Variants in TDP1 observed in about 807,000 individuals in gnomAD.
The protein encoded by TDP1 is tyrosyl-DNA phosphodiesterase 1.
Under a neutral mutation model 81.5 loss-of-function variants are expected in TDP1, and 64 were observed. The ratio of observed to expected loss-of-function variants is 0.79; its 90% CI spans 0.64 to 0.97. The LOEUF is 0.97. Ranked by LOEUF, TDP1 falls within the 50% of genes least tolerant of loss-of-function variation. The pLI is 0.00. For synonymous variants in TDP1, 256 were observed against 264.3 expected (o/e 0.97, Z 0.30); for missense variants, 723 against 743.8 (o/e 0.97, Z 0.33).
chr14:89,963,388 A>T lies in TDP1; in HGVS notation c.274A>T (p.Ser92Cys). The change falls in exon 3 of 17, where the codon AGT (serine) becomes TGT (cysteine). Residue 92 changes from serine to cysteine, a missense_variant. Ser to Cys is a moderately radical substitution (Grantham distance 112). Coordinates refer to ENST00000335725, the MANE Select transcript of TDP1 (RefSeq NM_018319.4). ...QEDLGWCLSS[S>C]DDELQPEMPQ... ...GGACCTCGGCTGGTGTCTGTCCAGC[A>T]GTGATGATGAGCTGCAACCAGAAAT... 6.2e-7 allele frequency: 1 copy of T among 1,614,222 alleles called. No homozygotes were observed. Among genetic ancestry groups the T allele is most frequent in the Non-Finnish European group, 8.5e-7 (1 of 1,180,038 alleles).
chr14:89,998,337 C>T (rs1596593562), intron 14 of TDP1, among the ~76,000 whole-genome samples: 1 of 132,080 alleles, frequency 7.6e-6, no homozygotes, highest in Admixed American at 8.1e-5. Context: ...ACATGTAGTT[C>T]TTAACCAGCA....
rs1007892503 is a variant in TDP1 at position 90,022,013 on chromosome 14, A to T, written c.1644+2595A>T. On this transcript the variant is annotated intron_variant, in intron 15 of 16. Coordinates refer to ENST00000335725, the MANE Select transcript of TDP1 (RefSeq NM_018319.4). ...GTTGGGCTGTGTCCTTCAGTGAATC[A>T]CAAATGACTTGGGCAGAGTGCTCTA... Among the ~76,000 whole-genome samples, 8 of 152,320 alleles carry T rather than the reference A, an allele frequency of 5.3e-5. No individual in the cohort carries two copies. The East Asian group carries it at 1.4e-3, about 26-fold the overall frequency.
At chr14:90,035,152 C>T (rs899708119) in intron 16 of TDP1, among the ~76,000 whole-genome samples, 1 of 152,202 alleles carries the variant, frequency 6.6e-6, no homozygotes, top group African/African-American at 2.4e-5. Flanking sequence ...CATAGTAAAC[C>T]AAGCCTTCTC....
chr14:90,026,624 G>T (rs1364390538), intron 15 of TDP1, among the ~76,000 whole-genome samples: 1 of 150,116 alleles, frequency 6.7e-6, no homozygotes, highest in Non-Finnish European at 1.5e-5. Flanking sequence ...CCTGCCCCAC[G>T]ACAGGCCCCG....
rs184579869 is a variant in TDP1, at chr14:90,042,437, A to G, written c.1754-633A>G. 6.6e-5 allele frequency among the ~76,000 whole-genome samples: 10 copies of G among 152,320 alleles called. No individual in the cohort carries two copies. The East Asian group carries it at 9.6e-4, about 15-fold the overall frequency. On this transcript the variant is annotated intron_variant, in intron 16 of 16. Transcript: ENST00000335725. ...GGGTTCTGGTTAAAGTGATTTGCCA[A>G]TGTGACACAGCTAGTAAGTGGCAGC...
intron 14 of TDP1, among the ~76,000 whole-genome samples, chr14:89,998,400 A>ATGTATGTATG (rs1555390566): frequency 8.5e-6 from 1 of 117,340 alleles, no homozygotes; most frequent in African/African-American, 4.7e-5. Flanking sequence ...ATATATATAT[A>ATGTATGTATG]TATATATATA....
intron 16 of TDP1, among the ~76,000 whole-genome samples, chr14:90,042,295 GA>G (rs1468632306): frequency 6.6e-6 from 1 of 152,210 alleles, no homozygotes; most frequent in Non-Finnish European, 1.5e-5. Context: ...CTTCCTAAAA[GA>G]AGAAAGGAAT....
Position 89,963,361 on chromosome 14 carries a change from G to A in TDP1, c.247G>A (p.Glu83Lys). The part of the protein sequence containing the change: ...PPKRQKSGSQ[E>K]DLGWCLSSSD... ...CAAAAGGCAGAAAAGCGGTTCCCAG[G>A]AGGACCTCGGCTGGTGTCTGTCCAG... Residue 83 changes from glutamate to lysine, a missense_variant, in exon 3 of 17, where the codon GAG (glutamate) becomes AAG (lysine). Glu to Lys is a moderately conservative substitution (Grantham distance 56, BLOSUM62 1). Coordinates refer to ENST00000335725, the MANE Select transcript of TDP1 (RefSeq NM_018319.4). The A allele has an allele frequency of 6.2e-7, 1 of 1,614,186 alleles. No individual in the cohort carries two copies. Among genetic ancestry groups the A allele is most frequent in the Non-Finnish European group, 8.5e-7 (1 of 1,180,034 alleles).
At chr14:89,980,822 G>A (rs1172522129) in intron 8 of TDP1, 190 bp downstream of exon 8, 1 of 603,316 alleles carries the variant, frequency 1.7e-6, no homozygotes, top group Non-Finnish European at 2.9e-6. Context: ...ACCTTCTTGG[G>A]GTAACCAGTG....
chr14:90,012,703 G>T (rs1293431936), intron 14 of TDP1, among the ~76,000 whole-genome samples: 13 of 152,010 alleles, frequency 8.6e-5, no homozygotes, highest in Admixed American at 3.3e-4. Context: ...CCCTACTGGG[G>T]CACTGCCTAG....
At chr14:90,020,732 G>A (rs1437659367) in intron 15 of TDP1, among the ~76,000 whole-genome samples, 1 of 141,526 alleles carries the variant, frequency 7.1e-6, no homozygotes, top group Non-Finnish European at 1.5e-5. Flanking sequence ...AACACCAACT[G>A]GACCAGATGA....
intron 13 of TDP1, chr14:89,993,006 C>A: frequency 1.1e-6 from 1 of 925,130 alleles, no homozygotes; most frequent in South Asian, 5.0e-5. Context: ...TGAGCCTCTA[C>A]TCATAACACA....
chr14:89,982,425 A>G (rs1008571378), intron 8 of TDP1, among the ~76,000 whole-genome samples: 8 of 152,154 alleles, frequency 5.3e-5, no homozygotes, highest in East Asian at 1.9e-4. Context: ...ATGTGGCCCT[A>G]TCAAAAGGCA....
chr14:89,986,229 T>C (rs1895536197), intron 10 of TDP1, among the ~76,000 whole-genome samples: 1 of 152,256 alleles, frequency 6.6e-6, no homozygotes, highest in African/African-American at 2.4e-5. Context: ...GTTCAGCACA[T>C]TGGCCTGTGC....
chr14:90,020,324 T>C (rs984254462), intron 15 of TDP1, among the ~76,000 whole-genome samples: 4 of 148,178 alleles, frequency 2.7e-5, no homozygotes, highest in Admixed American at 1.3e-4. Context: ...CACAATGAGA[T>C]GGCTAATGCT....
In TDP1 at chr14:90,043,420, C is replaced by A; in HGVS notation, c.*277C>A. 3 of 529,666 alleles carry A rather than the reference C, an allele frequency of 5.7e-6. No individual in the cohort carries two copies. The highest frequency in any genetic ancestry group is 6.8e-6 in the Non-Finnish European group (2 of 295,394). The allele number at this position is 529,666 out of a possible 1,614,324, so 32.8% of individuals were successfully genotyped here. ...TACGTACTGCTTGAGTATCCCCTGT[C>A]TGAAATGCTTGGGACCAGAAGTGTT... On this transcript the variant is annotated 3_prime_UTR_variant, in exon 17 of 17. Coordinates refer to ENST00000335725, the MANE Select transcript of TDP1 (RefSeq NM_018319.4).
At chr14:89,979,912 A>G (rs1278192281) in intron 7 of TDP1, among the ~76,000 whole-genome samples, 1 of 152,220 alleles carries the variant, frequency 6.6e-6, no homozygotes, top group Non-Finnish European at 1.5e-5. Flanking sequence ...AGAATAGGCA[A>G]GACTTACCCC....
intron 2 of TDP1, among the ~76,000 whole-genome samples, chr14:89,957,567 C>A (rs1297252072): frequency 6.6e-6 from 1 of 152,168 alleles, no homozygotes. Context: ...TCTTTAAGCT[C>A]AATGAGAAGG....
At chr14:90,005,421 T>A (rs951631191) in intron 14 of TDP1, among the ~76,000 whole-genome samples, 8 of 152,212 alleles carry the variant, frequency 5.3e-5, no homozygotes, top group African/African-American at 1.2e-4. Flanking sequence ...AAAATTTTTT[T>A]AAATCATTAT....
Sources: allele counts gnomAD v4.1 joint callset (sites outside exome capture counted in the v4.1 genomes callset), GRCh38; gene constraint gnomAD v4.1.1; transcripts MANE v1.5; gene names NCBI Gene and HGNC (gene_info 2026-07-23, HGNC 2026-07-21).